The following NAALADL2 variants were observed in gnomAD, a reference collection of about 807,000 sequenced individuals.
NAALADL2 encodes N-acetylated alpha-linked acidic dipeptidase like 2.
Under a neutral mutation model 87.2 loss-of-function variants are expected in NAALADL2, and 76 were observed. That is an observed-to-expected ratio of 0.87 (90% CI 0.72 to 1.05). NAALADL2 has a LOEUF of 1.05. Ranked by LOEUF, NAALADL2 falls within the 50% of genes least tolerant of loss-of-function variation. The pLI is 0.00. For missense variants in NAALADL2, 1,089 were observed against 945.8 expected (o/e 1.15, Z -1.99); for synonymous variants, 354 against 331.0 (o/e 1.07, Z -0.75).
intron 2 of NAALADL2, among the ~76,000 whole-genome samples, chr3:175,145,628 A>C (rs1244390084): frequency 1.3e-5 from 2 of 151,906 alleles, no homozygotes; most frequent in African/African-American, 4.8e-5. Flanking sequence ...TTCTTGGCTG[A>C]TTTGCTGATT....
chr3:175,173,840 C>T lies in NAALADL2; in HGVS notation c.546-60091C>T, dbSNP rs148649399. On this transcript the variant is annotated intron_variant, in intron 2 of 13. Coordinates refer to ENST00000454872, the MANE Select transcript of NAALADL2 (RefSeq NM_207015.3). ...TCAGTAAGTGTGTTGAAGTGGACTT[C>T]TGCAATTTTCGTCTATAGAGTTTAA... is the stretch of plus-strand genomic sequence containing the variant. 3.9e-3 allele frequency among the ~76,000 whole-genome samples: 589 copies of T among 152,302 alleles called. 2 individuals are homozygous for T. Among genetic ancestry groups the T allele is most frequent in the African/African-American group, 0.014 (566 of 41,582 alleles).
chr3:174,648,192 C>T (rs1723993241), intron 2 of NAALADL2, among the ~76,000 whole-genome samples: 1 of 151,922 alleles, frequency 6.6e-6, no homozygotes, highest in African/African-American at 2.4e-5. Context: ...TTGTTAATCT[C>T]TTACTGTGCA....
At chr3:175,469,395 G>A (rs73884428) in intron 8 of NAALADL2, among the ~76,000 whole-genome samples, 1 of 151,974 alleles carries the variant, frequency 6.6e-6, no homozygotes, top group African/African-American at 2.4e-5. Context: ...CCCTGTGAAG[G>A]GGAGTGAGGA....
chr3:175,283,851 G>T lies in NAALADL2; in HGVS notation c.939+27321G>T, dbSNP rs189220663. On this transcript the variant is annotated intron_variant, in intron 4 of 13. Coordinates refer to ENST00000454872, the MANE Select transcript of NAALADL2 (RefSeq NM_207015.3). ...TGGACATGAGCTTAATCACTAGAGA[G>T]ATTTATCTCTATACCAAACGTTCTA... is the stretch of plus-strand genomic sequence containing the variant. Among the ~76,000 whole-genome samples, 274 of 152,092 alleles carry T rather than the reference G, an allele frequency of 1.8e-3. 9 individuals are homozygous for T. The highest frequency in any genetic ancestry group is 0.014 in the Admixed American group (221 of 15,260).
intron 1 of NAALADL2, among the ~76,000 whole-genome samples, chr3:174,506,574 A>G (rs920720745): frequency 3.3e-5 from 5 of 152,202 alleles, no homozygotes; most frequent in Non-Finnish European, 5.9e-5. Flanking sequence ...TCACCATATA[A>G]ATAATTCTGA....
At chr3:175,209,974 G>C (rs545730000) in intron 2 of NAALADL2, among the ~76,000 whole-genome samples, 21 of 151,824 alleles carry the variant, frequency 1.4e-4, no homozygotes, top group African/African-American at 4.8e-4. Flanking sequence ...CCTGAAAATA[G>C]CCAACGAATA....
intron 11 of NAALADL2, among the ~76,000 whole-genome samples, chr3:175,632,870 T>G (rs1464736735): frequency 1.3e-5 from 2 of 152,082 alleles, no homozygotes; most frequent in African/African-American, 4.8e-5. Context: ...ACTAGTCACA[T>G]GTGGATTGAA....
intron 1 of NAALADL2, among the ~76,000 whole-genome samples, chr3:174,977,437 CT>C (rs1744511870): frequency 6.6e-6 from 1 of 152,134 alleles, no homozygotes; most frequent in African/African-American, 2.4e-5. Context: ...GATGTGTAAC[CT>C]TTTTAAAGTG....
chr3:174,913,348 T>C (rs182973429), intron 1 of NAALADL2, among the ~76,000 whole-genome samples: 1 of 152,274 alleles, frequency 6.6e-6, no homozygotes, highest in East Asian at 1.9e-4. Flanking sequence ...CTCACTATTT[T>C]CCTTTGCAAA....
chr3:175,463,207 G>T (rs532252319), intron 6 of NAALADL2, among the ~76,000 whole-genome samples, 194 bp from the exon 7 acceptor site: 1 of 152,084 alleles, frequency 6.6e-6, no homozygotes, highest in Non-Finnish European at 1.5e-5. Context: ...TCATCACTGC[G>T]TAACAAACAC....
intron 5 of NAALADL2, among the ~76,000 whole-genome samples, chr3:175,424,264 T>C (rs1313123388): frequency 6.6e-6 from 1 of 152,216 alleles, no homozygotes; most frequent in African/African-American, 2.4e-5. Context: ...TTAGCTTAAT[T>C]AGATCCCATT....
chr3:175,096,769 A>C (rs1721233504), intron 1 of NAALADL2, 21 bp from the exon 2 acceptor site: 1 of 1,405,544 alleles, frequency 7.1e-7, no homozygotes. Flanking sequence ...TTATTAAAAT[A>C]TATTTTTCTT....
chr3:174,881,965 A>C (rs1304634044), intron 1 of NAALADL2, among the ~76,000 whole-genome samples: 1 of 152,172 alleles, frequency 6.6e-6, no homozygotes, highest in Admixed American at 6.6e-5. Context: ...AAATTATTTA[A>C]TGATATGTAT....
At chr3:174,817,115 GCAAA>G (rs1420610029) in intron 3 of NAALADL2, among the ~76,000 whole-genome samples, 8 of 152,032 alleles carry the variant, frequency 5.3e-5, no homozygotes, top group African/African-American at 1.9e-4. Flanking sequence ...TTTGGATAAG[GCAAA>G]CAGACATTCA....
chr3:175,617,223 A>G (rs1407875957), intron 10 of NAALADL2, among the ~76,000 whole-genome samples: 1 of 152,096 alleles, frequency 6.6e-6, no homozygotes, highest in Non-Finnish European at 1.5e-5. Context: ...TGAAGAGGAG[A>G]ACAGAAATGG....
At chr3:175,175,620 CCTT>C (rs1735588397) in intron 2 of NAALADL2, among the ~76,000 whole-genome samples, 1 of 152,026 alleles carries the variant, frequency 6.6e-6, no homozygotes, top group African/African-American at 2.4e-5. Flanking sequence ...TACACACTGA[CCTT>C]CTTGCTGTTT....
intron 1 of NAALADL2, among the ~76,000 whole-genome samples, chr3:174,542,121 CT>C (rs1722297909): frequency 6.6e-6 from 1 of 152,122 alleles, no homozygotes. Context: ...CATTTGTAAA[CT>C]CTCATGGTGC....
At chr3:174,511,089 A>T (rs1719570578) in intron 1 of NAALADL2, among the ~76,000 whole-genome samples, 1 of 152,022 alleles carries the variant, frequency 6.6e-6, no homozygotes. Flanking sequence ...AAATTTATTA[A>T]GATTTTTTTA....
intron 1 of NAALADL2, among the ~76,000 whole-genome samples, chr3:174,442,309 A>T (rs1015951182): frequency 6.6e-6 from 1 of 152,044 alleles, no homozygotes; most frequent in Non-Finnish European, 1.5e-5. Flanking sequence ...GATTTTCACC[A>T]TTTTTTCCCA....
Sources: allele counts gnomAD v4.1 joint callset (sites outside exome capture counted in the v4.1 genomes callset), GRCh38; gene constraint gnomAD v4.1.1; transcripts MANE v1.5; gene names NCBI Gene and HGNC (gene_info 2026-07-23, HGNC 2026-07-21).